Variants in FREM1 observed in about 807,000 individuals in gnomAD.
FREM1 encodes the protein FRAS1 related extracellular matrix 1, also known as FRAS1-related extracellular matrix protein 1.
In FREM1, 220 loss-of-function variants were observed where a neutral mutation model predicts 210.1. The ratio of observed to expected loss-of-function variants is 1.05; its 90% CI spans 0.94 to 1.17. The LOEUF is 1.17. Among genes scored for constraint, FREM1 ranks in the 50% most tolerant of loss-of-function variants. The pLI, the probability that FREM1 is intolerant of heterozygous loss-of-function variation, is 0.00. For missense variants in FREM1, 3,454 were observed against 2,675.5 expected, an observed-to-expected ratio of 1.29 and a Z score of -6.42; for synonymous variants, 1,189 against 980.2, an observed-to-expected ratio of 1.21 and a Z score of -3.98.
chr9:14,835,903 C>CT (rs1159655816), intron 10 of FREM1, among the ~76,000 whole-genome samples: 1 of 152,162 alleles, frequency 6.6e-6, no homozygotes, highest in Non-Finnish European at 1.5e-5. Flanking sequence ...TGTTTTTCAG[C>CT]TTTTTGCCTA....
rs765880106 is a variant in FREM1 at position 14,819,244 on chromosome 9, A to T, written c.2536T>A (p.Leu846Ile). The T allele has an allele frequency of 6.2e-7, 1 of 1,607,960 alleles. No homozygotes were observed. The highest frequency in any genetic ancestry group is 8.5e-7 in the Non-Finnish European group (1 of 1,175,914). ...GTFSWGDLHTLKVRYQHDGTE... is the reference protein window; with the variant it reads ...GTFSWGDLHTIKVRYQHDGTE... The stretch of plus-strand genomic sequence containing the variant: ...ATGAAATGTTCTAACCTAACTTTTA[A>T]GGTATGGAGATCGCCCCAAGAAAAT... The change falls in exon 14 of 37, where the codon TTA becomes ATA. Residue 846 changes from leucine to isoleucine, a missense_variant. Physicochemically the swap from Leu to Ile is conservative, Grantham distance 5. Coordinates refer to ENST00000380880, the MANE Select transcript of FREM1 (RefSeq NM_001379081.2).
At chr9:14,841,702 C>T (rs1474828613) in intron 9 of FREM1, 113 bp from the exon 10 acceptor site, 2 of 641,038 alleles carry the variant, frequency 3.1e-6, no homozygotes, top group Non-Finnish European at 4.8e-6. Context: ...TTCTATGTAC[C>T]CAAGGAATCT....
rs2132631660 is a variant in FREM1, at chr9:14,776,033, G to A, written c.4613C>T (p.Pro1538Leu). ...CAAGAGGAAGGTGAGGTTCTCCGCA[G>A]GTGTATCAGGGTCGGTCAGCTGAAG... ...DLLQLTDPDT[P>L]AENLTFLLVQ... The change falls in exon 25 of 37, where the codon CCT (proline) becomes CTT (leucine). Residue 1538 changes from proline to leucine, a missense_variant. Pro to Leu is a moderately conservative substitution (Grantham distance 98). Coordinates refer to ENST00000380880, the MANE Select transcript of FREM1 (RefSeq NM_001379081.2). The A allele has an allele frequency of 3.1e-6, 5 of 1,614,028 alleles. No homozygotes were observed. Among genetic ancestry groups the A allele is most frequent in the Non-Finnish European group, 3.4e-6 (4 of 1,179,888 alleles).
At chr9:14,827,323 T>C (rs1397505455) in intron 10 of FREM1, among the ~76,000 whole-genome samples, 7 of 152,232 alleles carry the variant, frequency 4.6e-5, no homozygotes, top group South Asian at 2.1e-4. Context: ...CTTCCTGTTA[T>C]AAAGTGGCAA....
chr9:14,887,857 G>C (rs1181948406), intron 1 of FREM1, among the ~76,000 whole-genome samples: 2 of 152,066 alleles, frequency 1.3e-5, no homozygotes, highest in Admixed American at 1.3e-4. Context: ...GAGTGCAGTG[G>C]CACAATCTCA....
At chr9:14,808,803 A>T (rs1818847808) in intron 16 of FREM1, among the ~76,000 whole-genome samples, 1 of 152,216 alleles carries the variant, frequency 6.6e-6, no homozygotes, top group Admixed American at 6.5e-5. Context: ...AGTGACAGGA[A>T]GAAGGAACAA....
intron 23 of FREM1, 71 bp from the exon 24 acceptor site, chr9:14,784,705 G>A: frequency 8.2e-7 from 1 of 1,218,366 alleles, no homozygotes; most frequent in Non-Finnish European, 1.1e-6. Context: ...AAAGGCAGAA[G>A]ACAAAGGCCA....
chr9:14,829,535 G>C, intron 10 of FREM1, among the ~76,000 whole-genome samples: 1 of 152,050 alleles, frequency 6.6e-6, no homozygotes, highest in African/African-American at 2.4e-5. Context: ...CTCATGAATG[G>C]GTTAATGATC....
At chr9:14,903,709 A>C (rs1817128728) in intron 1 of FREM1, among the ~76,000 whole-genome samples, 1 of 152,246 alleles carries the variant, frequency 6.6e-6, no homozygotes, top group African/African-American at 2.4e-5. Flanking sequence ...CGCTGCATGT[A>C]ATATGAGTTC....
At chr9:14,802,346 G>C (rs1817452532) in intron 19 of FREM1, among the ~76,000 whole-genome samples, 1 of 152,100 alleles carries the variant, frequency 6.6e-6, no homozygotes, top group Admixed American at 6.6e-5. Context: ...CATACACTAA[G>C]CATATTTGGT....
intron 13 of FREM1, among the ~76,000 whole-genome samples, chr9:14,820,608 G>T (rs1020108634): frequency 2.6e-5 from 4 of 152,222 alleles, no homozygotes; most frequent in African/African-American, 7.2e-5. Context: ...ACCAACTCCA[G>T]GCCACAGCCA....
chr9:14,817,786 T>C (rs973022754), intron 14 of FREM1, among the ~76,000 whole-genome samples: 1 of 152,194 alleles, frequency 6.6e-6, no homozygotes, highest in African/African-American at 2.4e-5. Context: ...ATTCCCTTCC[T>C]ATGGTGGGGA....
At chr9:14,877,320 C>G (rs144367977) in intron 1 of FREM1, among the ~76,000 whole-genome samples, 1,865 of 151,912 alleles carry the variant, frequency 0.012, 39 homozygotes, top group African/African-American at 0.042. Context: ...TTTATGAAGC[C>G]AAAATTGAGC....
rs78431749 is a variant in FREM1, at chr9:14,867,610, A to G, written c.234+1134T>C. 7.2e-3 allele frequency among the ~76,000 whole-genome samples: 1,099 copies of G among 152,354 alleles called. 9 individuals are homozygous for G. Among genetic ancestry groups the G allele is most frequent in the African/African-American group, 0.025 (1,057 of 41,594 alleles). On this transcript the variant is annotated intron_variant, in intron 2 of 36. Coordinates refer to ENST00000380880, the MANE Select transcript of FREM1 (RefSeq NM_001379081.2). ...GGTAAATGGAGTGTCTAGAGACACC[A>G]GTTGAGCTAGTATCCATCTAAGTCT...
intron 23 of FREM1, among the ~76,000 whole-genome samples, chr9:14,787,532 G>A (rs1850609379): frequency 6.6e-6 from 1 of 152,128 alleles, no homozygotes. Flanking sequence ...ATGTGGCTGT[G>A]ATTCAGCCAC....
chr9:14,764,969 A>G (rs923925), intron 27 of FREM1, among the ~76,000 whole-genome samples: 148,692 of 152,210 alleles, frequency 0.98, 72,728 homozygotes, highest in Middle Eastern at 1. Flanking sequence ...TTATTACAAA[A>G]TGCAATAATG....
chr9:14,744,522 T>A (rs1028296758), intron 35 of FREM1, among the ~76,000 whole-genome samples: 1 of 152,098 alleles, frequency 6.6e-6, no homozygotes, highest in Non-Finnish European at 1.5e-5. Context: ...CTGCTTTCTC[T>A]CTATGTTCCA....
chr9:14,763,455 A>G (rs1845859833), intron 27 of FREM1, among the ~76,000 whole-genome samples: 1 of 152,190 alleles, frequency 6.6e-6, no homozygotes, highest in Admixed American at 6.5e-5. Context: ...AGATCATGCC[A>G]CTGCACTCCA....
At chr9:14,819,010 A>T (rs1820798110) in intron 14 of FREM1, among the ~76,000 whole-genome samples, 1 of 152,198 alleles carries the variant, frequency 6.6e-6, no homozygotes, top group African/African-American at 2.4e-5. Context: ...TCAAATATCC[A>T]TAAAGTTATT....
Sources: allele counts gnomAD v4.1 joint callset (sites outside exome capture counted in the v4.1 genomes callset), GRCh38; gene constraint gnomAD v4.1.1; transcripts MANE v1.5; gene names NCBI Gene and HGNC (gene_info 2026-07-23, HGNC 2026-07-21).